The following HEPHL1 variants were observed in gnomAD, a reference collection of about 807,000 sequenced individuals.
HEPHL1 encodes hephaestin like 1.
A neutral mutation model predicts 122.0 loss-of-function variants in HEPHL1; 123 were observed. The observed-to-expected ratio is 1.01, with a 90% CI of 0.87 to 1.17. HEPHL1 has a LOEUF of 1.17. Among genes scored for constraint, HEPHL1 ranks in the 50% most tolerant of loss-of-function variants. The pLI, the probability that HEPHL1 is intolerant of heterozygous loss-of-function variation, is 0.00. For synonymous variants in HEPHL1, 527 were observed against 508.9 expected (o/e 1.04, Z -0.48); for missense variants, 1,452 against 1,430.5 (o/e 1.01, Z -0.24).
chr11:94,105,871 A>G (rs1268673365), intron 16 of HEPHL1, 120 bp from the exon 17 acceptor site: 2 of 599,078 alleles, frequency 3.3e-6, no homozygotes, highest in African/African-American at 3.7e-5. Context: ...GGTGAGTGAG[A>G]TTGTTGCATG....
chr11:94,071,976 G>A (rs546613788), intron 6 of HEPHL1, among the ~76,000 whole-genome samples: 156 of 152,146 alleles, frequency 1.0e-3, no homozygotes, highest in Admixed American at 2.2e-3. Flanking sequence ...TGGGGTAAAC[G>A]GGATATCAAT....
chr11:94,096,342 G>GA (rs1946313304), intron 13 of HEPHL1, among the ~76,000 whole-genome samples: 1 of 152,158 alleles, frequency 6.6e-6, no homozygotes, highest in Non-Finnish European at 1.5e-5. Flanking sequence ...GCATTATGTT[G>GA]AACCAGTCTT....
chr11:94,098,398 G>A (rs890497692), intron 13 of HEPHL1, among the ~76,000 whole-genome samples: 13 of 152,190 alleles, frequency 8.5e-5, no homozygotes, highest in Non-Finnish European at 1.8e-4. Flanking sequence ...AGTCTGATGG[G>A]CTTCCCTTTG....
rs1209508045 is a variant in HEPHL1, at chr11:94,050,287, A to G, written c.415+4370A>G. ...GACTTAAGCCATTGTGAATGAAGAG[A>G]GTTTTAATTCTTCCTTACCAGTCTG... On this transcript the variant is annotated intron_variant, in intron 2 of 19. Coordinates refer to ENST00000315765, the MANE Select transcript of HEPHL1 (RefSeq NM_001098672.2). Among the ~76,000 whole-genome samples the G allele has an allele frequency of 2.0e-5, 3 of 152,140 alleles. No homozygotes were observed. In the East Asian group the frequency reaches 5.8e-4, roughly 29 times the overall value.
At chr11:94,023,375 T>C (rs535288128) in intron 1 of HEPHL1, among the ~76,000 whole-genome samples, 43 of 152,348 alleles carry the variant, frequency 2.8e-4, no homozygotes, top group Middle Eastern at 3.4e-3. Flanking sequence ...AAGGGATCAC[T>C]GGTGGTCAGT....
intron 9 of HEPHL1, among the ~76,000 whole-genome samples, chr11:94,077,306 T>A (rs542399777): frequency 6.6e-6 from 1 of 152,244 alleles, no homozygotes; most frequent in East Asian, 1.9e-4. Flanking sequence ...TTTTTCCTGG[T>A]CCTGGGTCTG....
At chr11:94,082,717 G>A (rs1946181699) in intron 10 of HEPHL1, 149 bp downstream of exon 10, 1 of 685,016 alleles carries the variant, frequency 1.5e-6, no homozygotes, top group South Asian at 2.0e-5. Flanking sequence ...AGCTTTAGAT[G>A]GTATGGTGAA....
chr11:94,032,382 T>C (rs1014177803), intron 1 of HEPHL1, among the ~76,000 whole-genome samples: 1 of 152,248 alleles, frequency 6.6e-6, no homozygotes, highest in African/African-American at 2.4e-5. Flanking sequence ...TGGGGCAGGC[T>C]GGATACCTCA....
rs997316747 is a variant in HEPHL1 at position 94,112,612 on chromosome 11, T to C, written c.*718T>C. The C allele has an allele frequency of 1.3e-5, 2 of 152,364 alleles. No homozygotes were observed. Among genetic ancestry groups the C allele is most frequent in the South Asian group, 4.1e-4 (2 of 4,834 alleles). 9.4% of individuals were successfully genotyped at this position (152,364 alleles called of 1,614,324 possible). ...CTTCATGTTACATGTTTTTACAATA[T>C]GTTTCTGTGGCAATGTTTGTACTTT... is the stretch of plus-strand genomic sequence containing the variant. On this transcript the variant is annotated 3_prime_UTR_variant, in exon 20 of 20. Transcript: ENST00000315765.
At chr11:94,083,545 T>C (rs1013596326) in intron 10 of HEPHL1, among the ~76,000 whole-genome samples, 124 of 152,380 alleles carry the variant, frequency 8.1e-4, no homozygotes, top group African/African-American at 2.8e-3. Flanking sequence ...CAACAGGTGC[T>C]AACCTGCTTG....
At chr11:94,059,648 A>T (rs1453454420) in intron 2 of HEPHL1, among the ~76,000 whole-genome samples, 4 of 152,148 alleles carry the variant, frequency 2.6e-5, no homozygotes, top group Non-Finnish European at 5.9e-5. Context: ...TTCTTTTGAA[A>T]ATGACTTTCA....
Position 94,063,548 on chromosome 11 carries a change from T to C in HEPHL1, c.456T>C (p.Asn152=). ...ATGGAACATCTGGAAGGAACAAAAA[T>C]GATGACATGGTTCCTCCTGGGAAAA... The part of the protein sequence containing the change: ...YPDGTSGRNK[N]DDMVPPGKNY... Residue 152 remains asparagine (N), a synonymous_variant, in exon 3 of 20, where the codon AAT becomes AAC. Coordinates refer to ENST00000315765, the MANE Select transcript of HEPHL1 (RefSeq NM_001098672.2). The C allele has an allele frequency of 6.2e-7, 1 of 1,613,144 alleles. No individual in the cohort carries two copies. Among genetic ancestry groups the C allele is most frequent in the African/African-American group, 1.3e-5 (1 of 74,982 alleles).
intron 2 of HEPHL1, among the ~76,000 whole-genome samples, chr11:94,049,638 A>G (rs1464273646): frequency 6.9e-6 from 1 of 144,988 alleles, no homozygotes; most frequent in African/African-American, 2.6e-5. Context: ...AAAAAAATCA[A>G]TGACCATAAG....
At chr11:94,041,124 T>C (rs1398429895) in intron 1 of HEPHL1, among the ~76,000 whole-genome samples, 3 of 145,912 alleles carry the variant, frequency 2.1e-5, no homozygotes, top group African/African-American at 7.6e-5. Flanking sequence ...CCATTCACAA[T>C]TGCTTCAAAG....
At chr11:94,037,382 C>G (rs1014011294) in intron 1 of HEPHL1, among the ~76,000 whole-genome samples, 13 of 152,040 alleles carry the variant, frequency 8.6e-5, no homozygotes, top group African/African-American at 2.9e-4. Flanking sequence ...TCAAGGAGGC[C>G]TGCCTGCCTC....
At chr11:94,102,001 ATATTT>A (rs1321786362) in intron 14 of HEPHL1, among the ~76,000 whole-genome samples, 6 of 152,212 alleles carry the variant, frequency 3.9e-5, no homozygotes, top group African/African-American at 1.4e-4. Context: ...TATAATTGTC[ATATTT>A]TATTATTAGT....
rs369122858 is a variant in HEPHL1, at chr11:94,067,668, A to C, written c.981A>C (p.Pro327=). Reference sequence around the variant, plus strand: ...GGACTGATGTCGTCAACCTGTTCCCAGCCACCTTCCTTACAACAGAAATGA... The same window carrying C: ...GGACTGATGTCGTCAACCTGTTCCCCGCCACCTTCCTTACAACAGAAATGA... ...GHRTDVVNLF[P]ATFLTTEMIA... Residue 327 remains proline (P), a synonymous_variant, in exon 5 of 20, where the codon CCA becomes CCC. Transcript: ENST00000315765. The C allele has an allele frequency of 2.6e-5, 42 of 1,613,694 alleles. No homozygotes were observed. The highest frequency in any genetic ancestry group is 3.5e-5 in the Non-Finnish European group (41 of 1,179,766).
intron 1 of HEPHL1, among the ~76,000 whole-genome samples, chr11:94,044,778 T>C (rs1157977444): frequency 6.6e-6 from 1 of 151,852 alleles, no homozygotes; most frequent in Non-Finnish European, 1.5e-5. Flanking sequence ...TTTTTTTTTT[T>C]TTGAGACAGG....
chr11:94,030,760 C>T (rs1945667442), intron 1 of HEPHL1, among the ~76,000 whole-genome samples: 1 of 152,166 alleles, frequency 6.6e-6, no homozygotes, highest in Non-Finnish European at 1.5e-5. Context: ...CTTTTATATC[C>T]CATTCTCTTG....
Sources: allele counts gnomAD v4.1 joint callset (sites outside exome capture counted in the v4.1 genomes callset), GRCh38; gene constraint gnomAD v4.1.1; transcripts MANE v1.5; gene names NCBI Gene and HGNC (gene_info 2026-07-23, HGNC 2026-07-21).